WDR41: variants seen among roughly 807,000 people sequenced by gnomAD.
WDR41 encodes the protein WD repeat domain 41, also known as WD repeat-containing protein 41.
WDR41 carries 63 observed loss-of-function variants against 69.3 expected under a neutral mutation model. The observed-to-expected ratio is 0.91, with a 90% confidence interval of 0.74 to 1.12. The LOEUF (loss-of-function observed/expected upper bound fraction) is 1.12, where lower values mean the gene tolerates loss of function less well. WDR41 is among the 50% of genes most tolerant of loss of function. The pLI is 0.00. For missense variants in WDR41, 543 were observed against 534.5 expected (o/e 1.02, Z -0.16); for synonymous variants, 185 against 192.1 (o/e 0.96, Z 0.31).
At chr5:77,441,876 A>G (rs1799181364) in intron 8 of WDR41, among the ~76,000 whole-genome samples, 1 of 109,714 alleles carries the variant, frequency 9.1e-6, no homozygotes, top group Admixed American at 9.9e-5. Flanking sequence ...TAAATACAGC[A>G]GAAAAAAAAA....
chr5:77,547,337 G>A (rs1743216586), intron 1 of WDR41, among the ~76,000 whole-genome samples: 3 of 152,046 alleles, frequency 2.0e-5, no homozygotes, highest in South Asian at 4.1e-4. Context: ...AGCTATCACT[G>A]TTTGCTGATG....
chr5:77,595,604 T>A (rs4532348), intron 1 of WDR41, among the ~76,000 whole-genome samples: 21 of 152,060 alleles, frequency 1.4e-4, no homozygotes, highest in African/African-American at 3.9e-4. Context: ...GTGGTTATAC[T>A]TCATTGCAAG....
intron 1 of WDR41, among the ~76,000 whole-genome samples, chr5:77,571,216 G>A (rs1446847780): frequency 6.6e-6 from 1 of 151,992 alleles, no homozygotes; most frequent in African/African-American, 2.4e-5. Context: ...AATTTTGGGG[G>A]GAAAATTTAT....
At position 77,492,272 on chromosome 5, in the gene WDR41, G is replaced by A. The variant is rs776887505; in HGVS notation, c.-52C>T. ...TCCAGCCCCAGTCAGCCCAAACTCC[G>A]CCCCAGGCTCGGCCTCCTCCTTCCT... On this transcript the variant is annotated 5_prime_UTR_variant, in exon 1 of 13. Coordinates refer to ENST00000296679, the MANE Select transcript of WDR41 (RefSeq NM_018268.4). The A allele has an allele frequency of 6.2e-7, 1 of 1,605,600 alleles. No individual in the cohort carries two copies. Among genetic ancestry groups the A allele is most frequent in the South Asian group, 1.1e-5 (1 of 90,132 alleles).
intron 2 of WDR41, among the ~76,000 whole-genome samples, chr5:77,473,383 A>G (rs572257562): frequency 3.9e-5 from 6 of 152,144 alleles, no homozygotes; most frequent in South Asian, 2.1e-4. Context: ...CATAGGCATG[A>G]GCAAGGACTT....
chr5:77,474,936 T>C (rs1294261282), intron 2 of WDR41, among the ~76,000 whole-genome samples: 1 of 152,156 alleles, frequency 6.6e-6, no homozygotes, highest in South Asian at 2.1e-4. Flanking sequence ...TGCCAGACAG[T>C]GGGCGCAGGT....
At chr5:77,511,839 C>T (rs1802207432) in intron 1 of WDR41, among the ~76,000 whole-genome samples, 1 of 149,888 alleles carries the variant, frequency 6.7e-6, no homozygotes, top group African/African-American at 2.5e-5. Context: ...TACCAAGAAG[C>T]ATTAGTTAAG....
At position 77,524,092 on chromosome 5, in the gene WDR41, C is replaced by G. The variant is rs943245835; in HGVS notation, c.43-34520G>C. Among the ~76,000 whole-genome samples the G allele has an allele frequency of 1.2e-4, 19 of 152,132 alleles. 1 individual carries two copies. Among genetic ancestry groups the G allele is most frequent in the Admixed American group, 1.2e-3 (19 of 15,276 alleles). ...TAAAACAACAGTGTTCATGTGTTCA[C>G]AACAGGGACAAAACAATCAAGTTAG... On this transcript the variant is annotated intron_variant, in intron 1 of 5. Coordinates refer to the WDR41 transcript ENST00000509971.
At chr5:77,469,083 C>A (rs1179333084) in intron 2 of WDR41, among the ~76,000 whole-genome samples, 3 of 152,114 alleles carry the variant, frequency 2.0e-5, no homozygotes, top group Non-Finnish European at 4.4e-5. Context: ...GAGTTCACGT[C>A]CTTTGTAGGG....
chr5:77,611,619 A>G (rs1432950825), intron 1 of WDR41, among the ~76,000 whole-genome samples: 2 of 152,290 alleles, frequency 1.3e-5, no homozygotes, highest in African/African-American at 2.4e-5. Context: ...GAGAACAAGA[A>G]TCTCTGGGAC....
intron 2 of WDR41, among the ~76,000 whole-genome samples, chr5:77,481,159 A>G (rs1430114875): frequency 2.6e-5 from 4 of 151,858 alleles, no homozygotes; most frequent in Admixed American, 6.6e-5. Context: ...ACAGGCACCC[A>G]CGACCACGCA....
At chr5:77,613,550 T>A (rs1744610103) in intron 1 of WDR41, among the ~76,000 whole-genome samples, 1 of 152,138 alleles carries the variant, frequency 6.6e-6, no homozygotes, top group Admixed American at 6.5e-5. Context: ...GGGGAAAGGA[T>A]TCCCTATTTA....
At chr5:77,525,905 G>C (rs1403550702) in intron 1 of WDR41, among the ~76,000 whole-genome samples, 1 of 152,262 alleles carries the variant, frequency 6.6e-6, no homozygotes, top group East Asian at 1.9e-4. Context: ...AACCAAGCTT[G>C]TGCCCATTCC....
intron 2 of WDR41, among the ~76,000 whole-genome samples, chr5:77,483,631 G>A (rs995216799): frequency 6.6e-6 from 1 of 151,960 alleles, no homozygotes; most frequent in Admixed American, 6.6e-5. Flanking sequence ...TAGAAGAAAA[G>A]TGTTTTCCTC....
chr5:77,609,239 C>T (rs537785369), intron 1 of WDR41, among the ~76,000 whole-genome samples: 132 of 152,332 alleles, frequency 8.7e-4, no homozygotes, highest in African/African-American at 3.0e-3. Flanking sequence ...CACAGACAAA[C>T]AAAAAGACAG....
chr5:77,473,537 T>G (rs1239220796), intron 2 of WDR41, among the ~76,000 whole-genome samples: 1 of 152,144 alleles, frequency 6.6e-6, no homozygotes, highest in Admixed American at 6.6e-5. Flanking sequence ...ATTTTTGTAA[T>G]CTACTCATCT....
intron 1 of WDR41, among the ~76,000 whole-genome samples, chr5:77,527,022 T>C (rs188869313): frequency 1.1e-4 from 16 of 152,144 alleles, no homozygotes; most frequent in African/African-American, 3.6e-4. Flanking sequence ...AATGCAAATT[T>C]TCTCTATACT....
intron 1 of WDR41, among the ~76,000 whole-genome samples, chr5:77,554,426 G>T (rs1012704310): frequency 5.3e-5 from 8 of 152,116 alleles, no homozygotes; most frequent in African/African-American, 1.7e-4. Flanking sequence ...CTCGTGAATA[G>T]GATTAGTGCT....
At chr5:77,546,544 G>A (rs888763791) in intron 1 of WDR41, among the ~76,000 whole-genome samples, 1 of 152,094 alleles carries the variant, frequency 6.6e-6, no homozygotes, top group African/African-American at 2.4e-5. Flanking sequence ...TTGTTGGAAA[G>A]ATACAACCCT....
Sources: allele counts gnomAD v4.1 joint callset (sites outside exome capture counted in the v4.1 genomes callset), GRCh38; gene constraint gnomAD v4.1.1; transcripts MANE v1.5; gene names NCBI Gene and HGNC (gene_info 2026-07-23, HGNC 2026-07-21).